The following SLC2A12 variants were observed in gnomAD, a reference collection of about 807,000 sequenced individuals.
SLC2A12 encodes the protein solute carrier family 2, facilitated glucose transporter member 12.
Under a neutral mutation model 41.8 loss-of-function variants are expected in SLC2A12, and 23 were observed. That is an observed-to-expected ratio of 0.55 (90% CI 0.40 to 0.78). The LOEUF is 0.78. SLC2A12 is among the 30% of genes least tolerant of loss of function. The pLI is 0.00. For missense variants in SLC2A12, 654 were observed against 745.6 expected (o/e 0.88, Z 1.43); for synonymous variants, 295 against 285.9 (o/e 1.03, Z -0.32).
chr6:134,046,598 C>T (rs1777457029), intron 1 of SLC2A12, among the ~76,000 whole-genome samples: 1 of 151,832 alleles, frequency 6.6e-6, no homozygotes, highest in Non-Finnish European at 1.5e-5. Context: ...GCCAGGAGTT[C>T]GAGACCAGCC....
At chr6:134,030,208 G>C (rs1777184284) in intron 1 of SLC2A12, among the ~76,000 whole-genome samples, 1 of 152,198 alleles carries the variant, frequency 6.6e-6, no homozygotes, top group Non-Finnish European at 1.5e-5. Flanking sequence ...GGGTCAAAAT[G>C]AAACACAGCC....
At chr6:134,000,252 A>AT (rs1582597343) in intron 4 of SLC2A12, among the ~76,000 whole-genome samples, 1 of 152,220 alleles carries the variant, frequency 6.6e-6, no homozygotes, top group African/African-American at 2.4e-5. Flanking sequence ...AACTGGGAGA[A>AT]TTTTTTTCTG....
chr6:134,044,929 C>T (rs77361609), intron 1 of SLC2A12, among the ~76,000 whole-genome samples: 3,158 of 152,202 alleles, frequency 0.021, 44 homozygotes, highest in Middle Eastern at 0.061. Flanking sequence ...GTTTCATTGA[C>T]GGCTATTGCA....
chr6:134,051,301 G>A (rs1204963436), intron 1 of SLC2A12, among the ~76,000 whole-genome samples: 1 of 152,140 alleles, frequency 6.6e-6, no homozygotes, highest in Non-Finnish European at 1.5e-5. Flanking sequence ...CACTCCTGAA[G>A]AGGGCCGCTT....
At chr6:134,042,303 T>C (rs1777392377) in intron 1 of SLC2A12, among the ~76,000 whole-genome samples, 1 of 152,088 alleles carries the variant, frequency 6.6e-6, no homozygotes, top group Admixed American at 6.6e-5. Flanking sequence ...GTGAAGGCTG[T>C]GGATGAAGGT....
intron 4 of SLC2A12, among the ~76,000 whole-genome samples, chr6:133,995,544 G>T (rs1776677654): frequency 6.6e-6 from 1 of 152,168 alleles, no homozygotes; most frequent in South Asian, 2.1e-4. Flanking sequence ...GTGTCTAGGA[G>T]AGAAGCAAAG....
At chr6:134,007,707 A>G (rs1477465134) in intron 2 of SLC2A12, among the ~76,000 whole-genome samples, 2 of 152,206 alleles carry the variant, frequency 1.3e-5, no homozygotes, top group Non-Finnish European at 2.9e-5. Context: ...TATCAAGCCC[A>G]GTTTGCCTAA....
At chr6:134,010,712 C>G (rs1776869030) in intron 2 of SLC2A12, among the ~76,000 whole-genome samples, 1 of 152,054 alleles carries the variant, frequency 6.6e-6, no homozygotes, top group Non-Finnish European at 1.5e-5. Flanking sequence ...CTTGCCTGAT[C>G]CAGATGAAAT....
chr6:134,010,231 G>A (rs896642424), intron 2 of SLC2A12, among the ~76,000 whole-genome samples: 7 of 152,110 alleles, frequency 4.6e-5, no homozygotes, highest in Non-Finnish European at 8.8e-5. Flanking sequence ...CAATGAGATG[G>A]CCCAATTTCT....
At chr6:134,039,552 C>G (rs1049757385) in intron 1 of SLC2A12, among the ~76,000 whole-genome samples, 1 of 150,860 alleles carries the variant, frequency 6.6e-6, no homozygotes, top group Non-Finnish European at 1.5e-5. Context: ...TTGCAAATAA[C>G]CTAGCCCCTA....
chr6:134,033,833 A>G (rs1777256304), intron 1 of SLC2A12, among the ~76,000 whole-genome samples: 1 of 152,086 alleles, frequency 6.6e-6, no homozygotes. Context: ...TCTGTGCTCC[A>G]TTATCTTACC....
At chr6:134,013,179 T>C (rs551444361) in intron 2 of SLC2A12, among the ~76,000 whole-genome samples, 2 of 152,200 alleles carry the variant, frequency 1.3e-5, no homozygotes, top group East Asian at 1.9e-4. Flanking sequence ...TAATCCTAGC[T>C]ACTTGGGAGA....
intron 1 of SLC2A12, among the ~76,000 whole-genome samples, chr6:134,034,338 G>A (rs1777263797): frequency 6.6e-6 from 1 of 152,086 alleles, no homozygotes; most frequent in African/African-American, 2.4e-5. Context: ...TATGCTTTAA[G>A]GGATACTGCC....
intron 1 of SLC2A12, among the ~76,000 whole-genome samples, chr6:134,032,951 GAAACA>G (rs1270096532): frequency 2.0e-5 from 3 of 150,144 alleles, no homozygotes; most frequent in Non-Finnish European, 4.4e-5. Flanking sequence ...TGTCAAAATA[GAAACA>G]AAACAAAACA....
In SLC2A12 at chr6:133,988,033, T is replaced by C. The variant is rs530494423; in HGVS notation, c.*3122A>G. The stretch of plus-strand genomic sequence containing the variant: ...TTAATCTTGGGTTGATGCCCAAGCC[T>C]ATACTAAGAGTCTTGTCAGAAGTTG... On this transcript the variant is annotated 3_prime_UTR_variant, in exon 5 of 5. Transcript: ENST00000275230. 1.3e-5 allele frequency: 2 copies of C among 152,274 alleles called. No individual in the cohort carries two copies. Among genetic ancestry groups the C allele is most frequent in the South Asian group, 4.1e-4 (2 of 4,820 alleles). 9.4% of individuals were successfully genotyped at this position (152,274 alleles called of 1,614,324 possible). A position where few individuals can be genotyped will look rare whatever the true frequency, so the allele number is the denominator to read the frequency against.
intron 2 of SLC2A12, among the ~76,000 whole-genome samples, chr6:134,013,913 T>C (rs73774193): frequency 9.2e-5 from 14 of 152,338 alleles, no homozygotes; most frequent in African/African-American, 2.9e-4. Context: ...TAGTAACAAG[T>C]GTGCTTTCTT....
chr6:134,008,986 C>T (rs1776846739), intron 2 of SLC2A12: 1 of 152,260 alleles, frequency 6.6e-6, no homozygotes, highest in Non-Finnish European at 1.5e-5. Flanking sequence ...TTCCCCTCCT[C>T]ATCTTTCATC....
intron 4 of SLC2A12, among the ~76,000 whole-genome samples, chr6:133,998,395 T>G (rs1776719667): frequency 6.6e-6 from 1 of 152,266 alleles, no homozygotes; most frequent in African/African-American, 2.4e-5. Flanking sequence ...ACATTCTGCT[T>G]TCAAGTTTGA....
chr6:134,012,439 A>C (rs1776899412), intron 2 of SLC2A12, among the ~76,000 whole-genome samples: 1 of 152,240 alleles, frequency 6.6e-6, no homozygotes, highest in South Asian at 2.1e-4. Flanking sequence ...GAACTATGGC[A>C]GTGGTCTTCA....
Sources: gnomAD v4.1 joint callset for allele counts (sites outside exome capture counted in the v4.1 genomes callset) on GRCh38, gnomAD v4.1.1 for gene constraint, MANE v1.5 for transcripts, NCBI Gene and HGNC (gene_info 2026-07-23, HGNC 2026-07-21) for gene names.